The following FCHO1 variants were observed in gnomAD, a reference collection of about 807,000 sequenced individuals.
The protein encoded by FCHO1 is FCH and mu domain containing endocytic adaptor 1.
In FCHO1, 45 loss-of-function variants were observed where a neutral mutation model predicts 114.4. The observed-to-expected ratio is 0.39, with a 90% CI of 0.31 to 0.50. The LOEUF (loss-of-function observed/expected upper bound fraction) is 0.50, where lower values mean the gene tolerates loss of function less well. Among genes scored for constraint, FCHO1 ranks in the 20% least tolerant of loss-of-function variants. FCHO1 has a pLI of 0.77. For synonymous variants in FCHO1, 480 were observed against 488.9 expected (o/e 0.98, Z 0.24); for missense variants, 1,042 against 1,209.6 (o/e 0.86, Z 2.06).
intron 23 of FCHO1, among the ~76,000 whole-genome samples, chr19:17,782,072 C>G (rs893082169): frequency 1.4e-5 from 2 of 147,310 alleles, no homozygotes; most frequent in Non-Finnish European, 3.0e-5. Flanking sequence ...TGCAATCTCG[C>G]AATCTCAGCT....
At chr19:17,769,284 A>AAT (rs901897605) in intron 7 of FCHO1, among the ~76,000 whole-genome samples, 1 of 141,352 alleles carries the variant, frequency 7.1e-6, no homozygotes, top group Non-Finnish European at 1.5e-5. Flanking sequence ...CAAAAAAAAA[A>AAT]AAAAAAAAAA....
chr19:17,782,063 G>A (rs2093473109), intron 23 of FCHO1, among the ~76,000 whole-genome samples: 1 of 146,496 alleles, frequency 6.8e-6, no homozygotes, highest in Admixed American at 6.9e-5. Flanking sequence ...GTGCAGTGGT[G>A]CAATCTCGCA....
At position 17,770,559 on chromosome 19, in the gene FCHO1, C is replaced by A; in HGVS notation, c.471C>A (p.Ser157Arg). The A allele has an allele frequency of 6.2e-7, 1 of 1,612,564 alleles. No homozygotes were observed. The highest frequency in any genetic ancestry group is 8.5e-7 in the Non-Finnish European group (1 of 1,178,898). Residue 157 changes from serine to arginine, a missense_variant, in exon 8 of 29, where the codon AGC becomes AGA. This residue lies in a region of FCHO1 where 450 missense variants were observed against 564.1 expected (regional missense o/e 0.80). Coordinates refer to ENST00000596536, the MANE Select transcript of FCHO1 (RefSeq NM_015122.3). ...AGCGGCTGCGGAGGGAGAGTACCAG[C>A]CAGAAGGAGATGGACAAGGTGGGCT... ...DQERLRREST[S>R]QKEMDKAETK...
At chr19:17,783,649 C>T (rs563859228) in intron 24 of FCHO1, among the ~76,000 whole-genome samples, 30 of 151,592 alleles carry the variant, frequency 2.0e-4, no homozygotes, top group African/African-American at 5.1e-4. Context: ...GGCGTGATCT[C>T]GGCTCACTGC....
At chr19:17,765,569 A>G (rs1050309258) in intron 6 of FCHO1, among the ~76,000 whole-genome samples, 20 of 151,898 alleles carry the variant, frequency 1.3e-4, no homozygotes, top group Non-Finnish European at 5.9e-5. Flanking sequence ...GCTATTTAGG[A>G]GGCTGAGGCA....
intron 9 of FCHO1, among the ~76,000 whole-genome samples, chr19:17,771,174 A>G (rs1239035374): frequency 6.6e-6 from 1 of 151,624 alleles, no homozygotes; most frequent in African/African-American, 2.4e-5. Context: ...AATCACTTGA[A>G]CCAGAAGGCG....
rs34490038 is a variant in FCHO1 at position 17,769,274 on chromosome 19, C to CAAAAAA, written c.337-1136_337-1131dup. 3.1e-3 allele frequency among the ~76,000 whole-genome samples: 159 copies of CAAAAAA among 51,664 alleles called. 2 individuals are homozygous for CAAAAAA. Among genetic ancestry groups the CAAAAAA allele is most frequent in the East Asian group, 5.5e-3 (7 of 1,284 alleles). The allele number at this position is 51,664 out of a possible 152,430, so 33.9% of individuals were successfully genotyped here. A position where few individuals can be genotyped will look rare whatever the true frequency, so the allele number is the denominator to read the frequency against. ...TGGGTGAAAGAGCAAGACTCCGCCT[C>CAAAAAA]AAAAAAAAAAAAAAAAAAAAGGCCT... On this transcript the variant is annotated intron_variant, in intron 7 of 28. Transcript: ENST00000596536.
At chr19:17,762,715 T>C in intron 4 of FCHO1, 47 bp from the exon 5 acceptor site, 1 of 1,402,772 alleles carries the variant, frequency 7.1e-7, no homozygotes, top group Non-Finnish European at 1.0e-6. Context: ...TAAGCAACTA[T>C]GATGTTCTCT....
At position 17,775,987 on chromosome 19, in the gene FCHO1, G is replaced by C; in HGVS notation, c.1008G>C (p.Thr336=). ...TGGACCTTGACTGCAGCCCACGCAC[G>C]GCCGAGCCCTCCCGTTTCTCGTCCA... ...TVRPDVTQNS[T]AEPSRFSSSD... The change falls in exon 16 of 29, where the codon ACG becomes ACC. Residue 336 remains threonine (T), a synonymous_variant. Transcript: ENST00000596536. This position sits in a 1 kb window ranked among gnomAD's most constrained non-coding sequence, Gnocchi z 5.1. The C allele has an allele frequency of 6.2e-7, 1 of 1,606,918 alleles. No individual in the cohort carries two copies. Among genetic ancestry groups the C allele is most frequent in the Non-Finnish European group, 8.5e-7 (1 of 1,179,816 alleles).
Position 17,778,246 on chromosome 19 carries a change from T to G in FCHO1, c.1351+18T>G. 1 of 1,594,440 alleles carries G rather than the reference T, an allele frequency of 6.3e-7. No individual in the cohort carries two copies. Among genetic ancestry groups the G allele is most frequent in the Non-Finnish European group, 8.6e-7 (1 of 1,162,562 alleles). ...TTTTACAGGTGATGGGGATAAGGGA[T>G]TGGAGGGCATGGGTGTGGCCGGAGG... On this transcript the variant is annotated intron_variant, in intron 19 of 28. Transcript: ENST00000596536.
intron 1 of FCHO1, among the ~76,000 whole-genome samples, chr19:17,753,105 C>T (rs1471759104): frequency 6.6e-6 from 1 of 152,036 alleles, no homozygotes; most frequent in African/African-American, 2.4e-5. Context: ...AATTAAGTCA[C>T]CACATGGGGC....
chr19:17,779,649 C>A (rs570612455), intron 20 of FCHO1, among the ~76,000 whole-genome samples: 1 of 86,076 alleles, frequency 1.2e-5, no homozygotes, highest in Non-Finnish European at 2.1e-5. Flanking sequence ...GGGGAAGGGG[C>A]GGAGTCAAGG....
At chr19:17,786,768 G>A in intron 27 of FCHO1, 139 bp downstream of exon 27, 1 of 919,276 alleles carries the variant, frequency 1.1e-6, no homozygotes, top group Non-Finnish European at 1.7e-6. Flanking sequence ...AAAGCTGGAG[G>A]AGGGCCGGGC....
At chr19:17,748,211 C>T (rs932775740), upstream of FCHO1, among the ~76,000 whole-genome samples, 76 of 152,310 alleles carry the variant, frequency 5.0e-4, no homozygotes, top group African/African-American at 1.3e-3. Flanking sequence ...CCGCAGATTC[C>T]CTCTTCCCAG....
chr19:17,782,642 G>A (rs1472868580), intron 23 of FCHO1, among the ~76,000 whole-genome samples: 1 of 152,200 alleles, frequency 6.6e-6, no homozygotes, highest in East Asian at 1.9e-4. Context: ...GGAGTGCAGG[G>A]ATATATATTG....
chr19:17,772,484 C>G lies in FCHO1; in HGVS notation c.622C>G (p.Leu208Val). 1 of 1,614,096 alleles carries G rather than the reference C, an allele frequency of 6.2e-7. No individual in the cohort carries two copies. Among genetic ancestry groups the G allele is most frequent in the Admixed American group, 1.7e-5 (1 of 59,988 alleles). Residue 208 changes from leucine (L) to valine (V), a missense_variant, in exon 10 of 29, where the codon CTG becomes GTG. Physicochemically the swap from Leu to Val is conservative, Grantham distance 32. Around this residue, in one of 3 missense-constraint regions of FCHO1, gnomAD observed 450 missense variants for 564.1 expected, o/e 0.80. Transcript: ENST00000596536. ...LRFQAMEETH[L>V]RHMKALLGSY... is the part of the protein sequence containing the mutation. ...CTTCCAAGCCATGGAGGAGACACAC[C>G]TGAGGCACATGAAGGCACTGCTGGG... is the stretch of plus-strand genomic sequence containing the variant.
intron 6 of FCHO1, among the ~76,000 whole-genome samples, chr19:17,766,295 C>T (rs979508586): frequency 1.3e-5 from 2 of 151,278 alleles, no homozygotes; most frequent in South Asian, 4.2e-4. Flanking sequence ...TTCTGCCACA[C>T]CCAGCTAATT....
chr19:17,748,666 G>C (rs989853669), upstream of FCHO1, among the ~76,000 whole-genome samples: 2 of 152,174 alleles, frequency 1.3e-5, no homozygotes, highest in African/African-American at 4.8e-5. Context: ...CATCTGCCTT[G>C]GATCCCCCGA....
intron 4 of FCHO1, among the ~76,000 whole-genome samples, chr19:17,759,995 T>C (rs1250444253): frequency 1.3e-5 from 2 of 152,214 alleles, no homozygotes; most frequent in African/African-American, 2.4e-5. Context: ...TAGCCATGAT[T>C]TGAGGCATTC....
Sources: allele counts gnomAD v4.1 joint callset (sites outside exome capture counted in the v4.1 genomes callset), GRCh38; gene constraint gnomAD v4.1.1; regional missense constraint gnomAD v4.1.1; non-coding constraint Gnocchi (gnomAD v3.1); transcripts MANE v1.5; gene names NCBI Gene and HGNC (gene_info 2026-07-23, HGNC 2026-07-21).